SOD2: variants seen among roughly 807,000 people sequenced by gnomAD.
SOD2 encodes the protein superoxide dismutase 2.
Under a neutral mutation model 27.0 loss-of-function variants are expected in SOD2, and 11 were observed. That is an observed-to-expected ratio of 0.41 (90% confidence interval 0.26 to 0.67). The LOEUF (loss-of-function observed/expected upper bound fraction) is 0.67. Ranked by LOEUF, SOD2 falls within the 30% of genes least tolerant of loss-of-function variation. The probability of loss-of-function intolerance (pLI) is 0.34; values close to 1 mark genes in which losing one functional copy is unlikely to be tolerated. For missense variants in SOD2, 250 were observed against 274.5 expected, an observed-to-expected ratio of 0.91 and a Z score of 0.63; for synonymous variants, 105 against 103.0, an observed-to-expected ratio of 1.02 and a Z score of -0.12.
intron 1 of SOD2, chr6:159,736,838 A>G (rs1457964195): frequency 6.6e-6 from 1 of 152,178 alleles, no homozygotes; most frequent in Admixed American, 6.6e-5. Context: ...ACACACATAC[A>G]CACACACAGT....
intron 1 of SOD2, chr6:159,713,831 C>T (rs982675487): frequency 3.6e-6 from 4 of 1,103,648 alleles, no homozygotes; most frequent in Non-Finnish European, 5.5e-6. Flanking sequence ...TGCTTCACCA[C>T]TTGGTCTGCC....
intron 1 of SOD2, among the ~76,000 whole-genome samples, chr6:159,758,034 G>A (rs905323597): frequency 6.6e-5 from 10 of 152,138 alleles, no homozygotes; most frequent in African/African-American, 2.4e-4. Context: ...CACTTATTCT[G>A]TGGTACACAG....
chr6:159,706,763 C>T (rs1164248041), intron 1 of SOD2, among the ~76,000 whole-genome samples: 5 of 152,122 alleles, frequency 3.3e-5, no homozygotes, highest in African/African-American at 1.2e-4. Context: ...CTGCACCAAG[C>T]GGACCTAATA....
chr6:159,732,233 T>G (rs1032044026), upstream of SOD2, among the ~76,000 whole-genome samples: 21 of 152,208 alleles, frequency 1.4e-4, no homozygotes, highest in Non-Finnish European at 2.4e-4. Context: ...CCAACTATAA[T>G]AACTTTTATA....
At chr6:159,756,138 C>G (rs978898732) in intron 1 of SOD2, 16 of 152,944 alleles carry the variant, frequency 1.0e-4, no homozygotes, top group African/African-American at 3.9e-4. Flanking sequence ...GTGTTAGATA[C>G]AGTTTTTTCC....
At chr6:159,716,337 T>C (rs186843758) in intron 1 of SOD2, among the ~76,000 whole-genome samples, 1 of 152,340 alleles carries the variant, frequency 6.6e-6, no homozygotes, top group East Asian at 1.9e-4. Flanking sequence ...TTCTTGACTC[T>C]GAATTCCCAG....
exon 1 of SOD2, chr6:159,761,898 G>C (rs1306134071): frequency 4.7e-5 from 18 of 384,978 alleles, no homozygotes; most frequent in Non-Finnish European, 6.4e-5. Flanking sequence ...CGCCCCGCGC[G>C]CCTCCGCCCG....
chr6:159,697,073 A>AC (rs1777434427), upstream of SOD2, among the ~76,000 whole-genome samples: 2 of 151,488 alleles, frequency 1.3e-5, no homozygotes, highest in Non-Finnish European at 2.9e-5. Context: ...ACACACACAC[A>AC]CACACACGCA....
At chr6:159,719,127 T>G (rs1193635350) in intron 1 of SOD2, among the ~76,000 whole-genome samples, 9 of 151,970 alleles carry the variant, frequency 5.9e-5, no homozygotes, top group Non-Finnish European at 1.3e-4. Flanking sequence ...GTGAGGCCCT[T>G]GGAAGGGGAT....
intron 1 of SOD2, among the ~76,000 whole-genome samples, chr6:159,701,893 G>A (rs1777528777): frequency 6.6e-6 from 1 of 152,084 alleles, no homozygotes; most frequent in Non-Finnish European, 1.5e-5. Flanking sequence ...CTTGCCAGAG[G>A]ATCACCCACC....
intron 1 of SOD2, among the ~76,000 whole-genome samples, chr6:159,714,874 T>C (rs1777897435): frequency 6.6e-6 from 1 of 152,164 alleles, no homozygotes; most frequent in Admixed American, 6.5e-5. Context: ...CTTTTGCTGG[T>C]GGCTGTTTTT....
intron 1 of SOD2, among the ~76,000 whole-genome samples, chr6:159,723,367 A>G (rs1164482280): frequency 6.6e-6 from 1 of 152,162 alleles, no homozygotes; most frequent in Non-Finnish European, 1.5e-5. Context: ...CTGATCTGCT[A>G]TCTACCACTA....
At chr6:159,726,938 A>AAGCATCACGGATGAGCATCACGGATG (rs772578477) in intron 1 of SOD2, 1 of 1,288,390 alleles carries the variant, frequency 7.8e-7, no homozygotes, top group South Asian at 1.2e-5. Context: ...CGACACGCGG[A>AAGCATCACGGATGAGCATCACGGATG]AGCATCACGG....
chr6:159,712,885 T>C, intron 1 of SOD2: 1 of 636,166 alleles, frequency 1.6e-6, no homozygotes, highest in South Asian at 1.6e-5. Context: ...CATAGGTGTG[T>C]TCATAAACCC....
At chr6:159,722,098 T>C (rs183372275) in intron 1 of SOD2, among the ~76,000 whole-genome samples, 1 of 150,264 alleles carries the variant, frequency 6.7e-6, no homozygotes, top group Non-Finnish European at 1.5e-5. Flanking sequence ...GCAGGGTAGG[T>C]TGGGAGCAGT....
upstream of SOD2, among the ~76,000 whole-genome samples, chr6:159,697,104 G>C (rs988000112): frequency 1.3e-5 from 2 of 149,464 alleles, no homozygotes; most frequent in African/African-American, 4.9e-5. Context: ...CACATTTGAA[G>C]TCAGAAAAAA....
At position 159,682,445 on chromosome 6, in the gene SOD2, C is replaced by T; in HGVS notation, c.*48G>A. ...TATTCTGCAGTACTCTATACCACTA[C>T]AAAAACAGTCATAAAGAGCTTAACA... On this transcript the variant is annotated 3_prime_UTR_variant, in exon 5 of 5. Coordinates refer to ENST00000538183, the MANE Select transcript of SOD2 (RefSeq NM_000636.4). The T allele has an allele frequency of 6.3e-7, 1 of 1,578,502 alleles. No individual in the cohort carries two copies. The highest frequency in any genetic ancestry group is 8.6e-7 in the Non-Finnish European group (1 of 1,159,976).
intron 1 of SOD2, among the ~76,000 whole-genome samples, chr6:159,698,628 CAAG>C (rs1299427401): frequency 1.2e-5 from 1 of 81,430 alleles, no homozygotes; most frequent in South Asian, 3.9e-4. Context: ...AAAAAAAAAA[CAAG>C]AAAAGAAATC....
chr6:159,753,807 CCCT>C (rs1377886508), intron 1 of SOD2, among the ~76,000 whole-genome samples: 2 of 147,396 alleles, frequency 1.4e-5, no homozygotes, highest in Non-Finnish European at 2.9e-5. Context: ...TTTATCCCCA[CCCT>C]CCTAATTCTT....
Sources: gnomAD v4.1 joint callset for allele counts (sites outside exome capture counted in the v4.1 genomes callset) on GRCh38, gnomAD v4.1.1 for gene constraint, MANE v1.5 for transcripts, NCBI Gene and HGNC (gene_info 2026-07-23, HGNC 2026-07-21) for gene names.